Variants in ARMC3 observed in about 807,000 individuals in gnomAD.
The protein encoded by ARMC3 is armadillo repeat-containing protein 3.
A neutral mutation model predicts 90.3 loss-of-function variants in ARMC3; 74 were observed. That is an observed-to-expected ratio of 0.82 (90% CI 0.68 to 0.99). ARMC3 has a LOEUF of 0.99. Among genes scored for constraint, ARMC3 ranks in the 50% least tolerant of loss-of-function variants. The pLI is 0.00. For synonymous variants in ARMC3, 334 were observed against 361.8 expected (o/e 0.92, Z 0.87); for missense variants, 958 against 1,042.8 (o/e 0.92, Z 1.12).
intron 10 of ARMC3, among the ~76,000 whole-genome samples, chr10:22,994,743 T>C (rs891176211): frequency 6.6e-6 from 1 of 152,184 alleles, no homozygotes; most frequent in Admixed American, 6.5e-5. Flanking sequence ...GAGAGGATGC[T>C]GAATTGGATT....
At chr10:23,010,649 TTCCTCTCCTC>T (rs1170990224) in intron 16 of ARMC3, among the ~76,000 whole-genome samples, 1 of 123,244 alleles carries the variant, frequency 8.1e-6, no homozygotes, top group Non-Finnish European at 1.7e-5. Context: ...CTCCTTCCCT[TTCCTCTCCTC>T]TCCTCTCCTT....
chr10:22,985,861 G>A (rs1046587071), intron 10 of ARMC3, among the ~76,000 whole-genome samples: 5 of 152,074 alleles, frequency 3.3e-5, no homozygotes, highest in Admixed American at 1.3e-4. Flanking sequence ...CTCTTGCCTG[G>A]AAAACCTCTT....
intron 12 of ARMC3, 72 bp from the exon 13 acceptor site, chr10:23,003,174 C>A (rs1477600620): frequency 4.4e-6 from 6 of 1,351,860 alleles, no homozygotes; most frequent in Non-Finnish European, 4.0e-6. Context: ...GATCTGAAGT[C>A]GGTATATAAG....
At chr10:23,029,381 G>T (rs1407794564) in intron 16 of ARMC3, among the ~76,000 whole-genome samples, 1 of 152,170 alleles carries the variant, frequency 6.6e-6, no homozygotes, top group African/African-American at 2.4e-5. Context: ...TCAAACAGCT[G>T]TTGCATGCAT....
At chr10:22,976,318 A>C (rs1835919283) in intron 8 of ARMC3, among the ~76,000 whole-genome samples, 1 of 152,056 alleles carries the variant, frequency 6.6e-6, no homozygotes, top group Non-Finnish European at 1.5e-5. Context: ...CCATCATTTC[A>C]CCTGCTGCAC....
Position 22,945,910 on chromosome 10 carries a change from G to A in ARMC3, c.49-234G>A, listed in dbSNP as rs182798649. On this transcript the variant is annotated intron_variant, in intron 2 of 18. Transcript: ENST00000298032. ...ATGGCTAAATTGAGAAACTAGACCT[G>A]TCAGATTCCAAAACATTTGGCTCTT... Among the ~76,000 whole-genome samples the A allele has an allele frequency of 2.8e-4, 42 of 152,298 alleles. No homozygotes were observed. The East Asian group carries it at 6.2e-3, about 22-fold the overall frequency.
intron 2 of ARMC3, among the ~76,000 whole-genome samples, chr10:22,934,911 T>C (rs911785875): frequency 2.6e-5 from 4 of 152,180 alleles, no homozygotes; most frequent in African/African-American, 9.7e-5. Flanking sequence ...GGATGAGGCA[T>C]GGACGACCAG....
intron 2 of ARMC3, among the ~76,000 whole-genome samples, chr10:22,943,166 C>T (rs931556021): frequency 1.5e-4 from 23 of 152,290 alleles, no homozygotes; most frequent in Middle Eastern, 3.4e-3. Flanking sequence ...GAAGAAATAC[C>T]TAATAACACA....
At position 23,023,742 on chromosome 10, in the gene ARMC3, T is replaced by C. The variant is rs183475100; in HGVS notation, c.2046-6854T>C. On this transcript the variant is annotated intron_variant, in intron 16 of 18. Coordinates refer to ENST00000298032, the MANE Select transcript of ARMC3 (RefSeq NM_173081.5). ...GAAGGATACAATAATAAAATGGAGA[T>C]GATAGATGATAGAATCAGTGAACTT... Among the ~76,000 whole-genome samples the C allele has an allele frequency of 4.1e-3, 624 of 152,058 alleles. 4 individuals carry two copies. Among genetic ancestry groups the C allele is most frequent in the South Asian group, 0.013 (62 of 4,816 alleles).
chr10:22,991,791 G>A (rs1167561231), intron 10 of ARMC3, among the ~76,000 whole-genome samples: 1 of 152,090 alleles, frequency 6.6e-6, no homozygotes, highest in Non-Finnish European at 1.5e-5. Context: ...GGCAAGCGCA[G>A]GGATTTTTTT....
chr10:22,995,183 T>G (rs545577320), intron 10 of ARMC3, among the ~76,000 whole-genome samples: 8 of 151,808 alleles, frequency 5.3e-5, no homozygotes, highest in Non-Finnish European at 1.2e-4. Context: ...ACAGAATGTC[T>G]GAGGTTTGAA....
At chr10:22,996,801 T>A (rs1391800465) in intron 10 of ARMC3, among the ~76,000 whole-genome samples, 1 of 152,210 alleles carries the variant, frequency 6.6e-6, no homozygotes, top group Non-Finnish European at 1.5e-5. Context: ...TGGATAATTG[T>A]CATAACTTCT....
chr10:22,951,739 A>G (rs1484411528), intron 3 of ARMC3, among the ~76,000 whole-genome samples: 4 of 151,922 alleles, frequency 2.6e-5, no homozygotes, highest in Admixed American at 1.3e-4. Context: ...GTGCCACTCA[A>G]AGTATTTAGA....
At chr10:22,971,806 C>T (rs1835696402) in intron 8 of ARMC3, among the ~76,000 whole-genome samples, 1 of 152,098 alleles carries the variant, frequency 6.6e-6, no homozygotes, top group African/African-American at 2.4e-5. Context: ...ATTTTACATT[C>T]CCATAACCAA....
chr10:23,034,807 T>C (rs1373227969), intron 18 of ARMC3, among the ~76,000 whole-genome samples: 1 of 152,188 alleles, frequency 6.6e-6, no homozygotes, highest in Non-Finnish European at 1.5e-5. Flanking sequence ...ACTCTTCTGT[T>C]CTCCCTTTAT....
chr10:22,976,202 T>C (rs140726321), intron 8 of ARMC3, among the ~76,000 whole-genome samples: 2 of 152,334 alleles, frequency 1.3e-5, no homozygotes, highest in African/African-American at 4.8e-5. Context: ...GGAAATTTGT[T>C]TCTTCCTCTC....
chr10:23,024,238 A>G (rs1170230076), intron 16 of ARMC3, among the ~76,000 whole-genome samples: 1 of 152,200 alleles, frequency 6.6e-6, no homozygotes, highest in African/African-American at 2.4e-5. Context: ...ATTCTTCAGC[A>G]ATGAAGAAGA....
chr10:22,965,366 T>A (rs186033633), intron 7 of ARMC3, among the ~76,000 whole-genome samples: 136 of 152,358 alleles, frequency 8.9e-4, no homozygotes, highest in African/African-American at 2.8e-3. Flanking sequence ...TCAGCATTTT[T>A]AAATTTCTTC....
chr10:22,962,024 A>C lies in ARMC3; in HGVS notation c.678A>C (p.Thr226=), dbSNP rs754060123. 2.5e-6 allele frequency: 4 copies of C among 1,610,204 alleles called. No homozygotes were observed. Among genetic ancestry groups the C allele is most frequent in the South Asian group, 1.1e-5 (1 of 90,290 alleles). Residue 226 remains threonine, a synonymous_variant, in exon 7 of 19, where the codon ACA becomes ACC. Transcript: ENST00000298032. ...TTGCAAATGATAAGGAGTCTCGAAC[A>C]ATGCTAAGAGACAATCAAGGATTGG... is the stretch of plus-strand genomic sequence containing the variant. ...GVIANDKESR[T]MLRDNQGLDH...
Sources: gnomAD v4.1 joint callset for allele counts (sites outside exome capture counted in the v4.1 genomes callset) on GRCh38, gnomAD v4.1.1 for gene constraint, MANE v1.5 for transcripts, NCBI Gene and HGNC (gene_info 2026-07-23, HGNC 2026-07-21) for gene names.